ANTXR1: variants seen among roughly 807,000 people sequenced by gnomAD.
ANTXR1 encodes the protein anthrax toxin receptor 1.
ANTXR1 carries 19 observed loss-of-function variants against 78.1 expected under a neutral mutation model. That is an observed-to-expected ratio of 0.24 (90% CI 0.17 to 0.36). The LOEUF (loss-of-function observed/expected upper bound fraction) is 0.36, where lower values mean the gene tolerates loss of function less well. ANTXR1 is among the 10% of genes least tolerant of loss of function. ANTXR1 has a pLI of 1.00. For synonymous variants in ANTXR1, 273 were observed against 260.5 expected (o/e 1.05, Z -0.46); for missense variants, 518 against 718.6 (o/e 0.72, Z 3.19).
intron 12 of ANTXR1, among the ~76,000 whole-genome samples, chr2:69,136,177 CA>C: frequency 6.6e-6 from 1 of 152,166 alleles, no homozygotes; most frequent in East Asian, 1.9e-4. Context: ...TGTACTGTAC[CA>C]AAAGTAAAGA....
chr2:69,071,733 G>A (rs750276736), intron 4 of ANTXR1, 21 bp from the exon 5 acceptor site: 4 of 1,613,656 alleles, frequency 2.5e-6, no homozygotes, highest in Admixed American at 1.7e-5. Context: ...AAGTCTAAGG[G>A]CTCTTTCATA....
At position 69,152,166 on chromosome 2, in the gene ANTXR1, C is replaced by G; in HGVS notation, c.952-3C>G. 1 of 1,613,902 alleles carries G rather than the reference C, an allele frequency of 6.2e-7. No homozygotes were observed. Among genetic ancestry groups the G allele is most frequent in the Non-Finnish European group, 8.5e-7 (1 of 1,179,936 alleles). On this transcript the variant is annotated splice_polypyrimidine_tract_variant and splice_region_variant and intron_variant, in intron 12 of 17. Transcript: ENST00000303714. ...GCTGACCGCCTCTCTCTTGGCCCTG[C>G]AGTCTGACGGTTCCATCCTGGCCAT...
At chr2:69,198,789 T>C (rs1278195842) in intron 17 of ANTXR1, among the ~76,000 whole-genome samples, 5 of 152,260 alleles carry the variant, frequency 3.3e-5, no homozygotes, top group African/African-American at 1.2e-4. Context: ...AATTGTCACC[T>C]TTTCTGCATC....
chr2:69,237,159 G>A (rs777995913), intron 17 of ANTXR1, among the ~76,000 whole-genome samples: 16 of 151,968 alleles, frequency 1.1e-4, no homozygotes, highest in Middle Eastern at 3.4e-3. Context: ...TAGTTTCCTC[G>A]TGTTACCAAA....
chr2:69,182,638 G>A lies in ANTXR1; in HGVS notation c.1331G>A (p.Arg444Gln), dbSNP rs376960445. 37 of 1,614,038 alleles carry A rather than the reference G, an allele frequency of 2.3e-5. No homozygotes were observed. Among genetic ancestry groups the A allele is most frequent in the East Asian group, 4.5e-5 (2 of 44,874 alleles). Residue 444 changes from arginine (R) to glutamine (Q), a missense_variant, in exon 16 of 18, where the codon CGG (arginine) becomes CAG (glutamine). Arg to Gln is a conservative substitution (Grantham distance 43). Transcript: ENST00000303714. ...AATATGCGTCGGCCTTCTTCCCCCC[G>A]GAAGTGGTACTCTCCAATCAAGGTG... ...NNNMRRPSSP[R>Q]KWYSPIKGKL...
intron 12 of ANTXR1, among the ~76,000 whole-genome samples, chr2:69,149,727 T>G (rs1005280651): frequency 6.6e-6 from 1 of 152,220 alleles, no homozygotes; most frequent in African/African-American, 2.4e-5. Context: ...CAAGATAGCT[T>G]ACATCATTTT....
At chr2:69,219,610 T>C (rs1275424508) in intron 17 of ANTXR1, among the ~76,000 whole-genome samples, 1 of 152,212 alleles carries the variant, frequency 6.6e-6, no homozygotes. Context: ...CTAAACAAGT[T>C]CATTTTCTTT....
chr2:69,095,685 T>C (rs1051556520), intron 9 of ANTXR1, among the ~76,000 whole-genome samples: 1 of 152,172 alleles, frequency 6.6e-6, no homozygotes, highest in Non-Finnish European at 1.5e-5. Flanking sequence ...ACTAAAGCTT[T>C]CCAACAATGG....
chr2:69,131,264 T>C, intron 12 of ANTXR1, among the ~76,000 whole-genome samples: 1 of 152,212 alleles, frequency 6.6e-6, no homozygotes, highest in East Asian at 1.9e-4. Flanking sequence ...ACTTATATGT[T>C]GCCAGACAAA....
At chr2:69,047,179 T>C (rs1669793983) in intron 3 of ANTXR1, among the ~76,000 whole-genome samples, 1 of 152,136 alleles carries the variant, frequency 6.6e-6, no homozygotes, top group African/African-American at 2.4e-5. Context: ...TACTCAGGGA[T>C]CATGAACCAA....
At chr2:69,134,690 G>A (rs752059281) in intron 12 of ANTXR1, among the ~76,000 whole-genome samples, 1 of 152,164 alleles carries the variant, frequency 6.6e-6, no homozygotes, top group Non-Finnish European at 1.5e-5. Context: ...TCTTGAAAAT[G>A]AATCTAAGAG....
chr2:69,031,990 A>G (rs1035687971), intron 1 of ANTXR1, among the ~76,000 whole-genome samples: 1 of 151,842 alleles, frequency 6.6e-6, no homozygotes, highest in African/African-American at 2.4e-5. Context: ...AGTTCAAAAT[A>G]TTACCCCCAT....
At chr2:69,211,498 C>G (rs1302609066) in intron 17 of ANTXR1, among the ~76,000 whole-genome samples, 8 of 152,258 alleles carry the variant, frequency 5.3e-5, no homozygotes, top group Non-Finnish European at 8.8e-5. Flanking sequence ...TTCCCACTGC[C>G]TGCCCACACA....
intron 8 of ANTXR1, among the ~76,000 whole-genome samples, chr2:69,085,099 G>A (rs1243321944): frequency 7.2e-5 from 11 of 151,894 alleles, no homozygotes; most frequent in Non-Finnish European, 1.5e-4. Flanking sequence ...AAAATTCATG[G>A]GGACAACATT....
chr2:69,043,547 C>T (rs1210154288), intron 2 of ANTXR1, among the ~76,000 whole-genome samples: 1 of 152,064 alleles, frequency 6.6e-6, no homozygotes, highest in African/African-American at 2.4e-5. Context: ...TTTTAGGGAC[C>T]AATATTCAAT....
At chr2:69,034,151 C>T (rs1329614766) in intron 1 of ANTXR1, among the ~76,000 whole-genome samples, 1 of 152,210 alleles carries the variant, frequency 6.6e-6, no homozygotes, top group African/African-American at 2.4e-5. Flanking sequence ...GACTTCTTAT[C>T]ATGTTCCAAA....
At chr2:69,023,421 T>C (rs930416977) in intron 1 of ANTXR1, among the ~76,000 whole-genome samples, 1 of 151,620 alleles carries the variant, frequency 6.6e-6, no homozygotes, top group Admixed American at 6.6e-5. Context: ...GTGGTGGTGA[T>C]AGTGATAGTG....
intron 3 of ANTXR1, 116 bp from the exon 4 acceptor site, chr2:69,070,531 A>G: frequency 1.1e-6 from 1 of 926,512 alleles, no homozygotes. Flanking sequence ...CTTTTGGGGA[A>G]TTACTGGGAC....
intron 9 of ANTXR1, among the ~76,000 whole-genome samples, chr2:69,096,305 GGAGGA>G (rs1558541292): frequency 2.7e-4 from 1 of 3,742 alleles, no homozygotes; most frequent in Admixed American, 2.2e-3. Flanking sequence ...AGGGAGGAAG[GGAGGA>G]AGGGAGGAAG....
Sources: gnomAD v4.1 joint callset for allele counts (sites outside exome capture counted in the v4.1 genomes callset) on GRCh38, gnomAD v4.1.1 for gene constraint, MANE v1.5 for transcripts, NCBI Gene and HGNC (gene_info 2026-07-23, HGNC 2026-07-21) for gene names.